Variants in HLF observed in about 807,000 individuals in gnomAD.
The protein encoded by HLF is HLF transcription factor, PAR bZIP family member.
HLF carries 3 observed loss-of-function variants against 22.6 expected under a neutral mutation model. The ratio of observed to expected loss-of-function variants is 0.13; its 90% CI spans 0.06 to 0.34. The LOEUF (loss-of-function observed/expected upper bound fraction) is 0.34. Ranked by LOEUF, HLF falls within the 10% of genes least tolerant of loss-of-function variation. The probability of loss-of-function intolerance (pLI) is 1.00; values close to 1 mark genes in which losing one functional copy is unlikely to be tolerated. For missense variants in HLF, 299 were observed against 389.2 expected, an observed-to-expected ratio of 0.77 and a Z score of 1.95; for synonymous variants, 151 against 151.8, an observed-to-expected ratio of 0.99 and a Z score of 0.04.
chr17:55,295,635 C>T (rs2081105247), intron 2 of HLF, among the ~76,000 whole-genome samples: 2 of 152,208 alleles, frequency 1.3e-5, no homozygotes, highest in African/African-American at 4.8e-5. Context: ...ACACCCACTT[C>T]CAGAACATTA....
chr17:55,270,524 A>G (rs541929127), intron 2 of HLF, among the ~76,000 whole-genome samples: 2 of 152,372 alleles, frequency 1.3e-5, no homozygotes, highest in East Asian at 3.9e-4. Flanking sequence ...TAGAAGTACC[A>G]AGTTAATCTT....
intron 2 of HLF, among the ~76,000 whole-genome samples, chr17:55,289,966 T>A (rs1481028472): frequency 6.6e-6 from 1 of 152,212 alleles, no homozygotes; most frequent in Non-Finnish European, 1.5e-5. Flanking sequence ...TTGGTTATTC[T>A]TTGTTGGAGA....
intron 2 of HLF, among the ~76,000 whole-genome samples, chr17:55,286,459 T>C (rs2081005104): frequency 6.6e-6 from 1 of 152,184 alleles, no homozygotes; most frequent in African/African-American, 2.4e-5. Context: ...AATTCATTTC[T>C]TGGGGTAATC....
intron 3 of HLF, among the ~76,000 whole-genome samples, chr17:55,315,813 A>G (rs763613028): frequency 1.2e-4 from 18 of 152,358 alleles, no homozygotes; most frequent in Non-Finnish European, 2.1e-4. Context: ...AGGGCATCTG[A>G]ACCTCATTGC....
chr17:55,309,238 G>A (rs946786801), intron 2 of HLF, among the ~76,000 whole-genome samples: 1 of 152,204 alleles, frequency 6.6e-6, no homozygotes, highest in African/African-American at 2.4e-5. Context: ...CCTGCTGCGG[G>A]AATGGAGACC....
rs1905289619 is a variant in HLF at position 55,322,365 on chromosome 17, A to T, written c.*1486A>T. 1 of 190,896 alleles carries T rather than the reference A, an allele frequency of 5.2e-6. No homozygotes were observed. Among genetic ancestry groups the T allele is most frequent in the Non-Finnish European group, 1.1e-5 (1 of 90,854 alleles). 11.8% of individuals were successfully genotyped at this position (190,896 alleles called of 1,614,324 possible). A position where few individuals can be genotyped will look rare whatever the true frequency, so the allele number is the denominator to read the frequency against. ...TTTCAGATATAAATACTGACAATGT[A>T]TTTTGGAAGACATATATTATATATA... On this transcript the variant is annotated 3_prime_UTR_variant, in exon 4 of 4. Coordinates refer to ENST00000226067, the MANE Select transcript of HLF (RefSeq NM_002126.5).
In HLF at chr17:55,268,203, G is replaced by A. The variant is rs2080814546; in HGVS notation, c.451+117G>A. On this transcript the variant is annotated intron_variant, in intron 2 of 3. Transcript: ENST00000226067. The stretch of plus-strand genomic sequence containing the variant: ...GGTTTTAGCAAAGATCCTAAGAGAG[G>A]TACCTTCTTCTGCTCCACTCCTGGC... The A allele has an allele frequency of 9.9e-6, 7 of 704,936 alleles. No individual in the cohort carries two copies. The Admixed American group carries it at 1.7e-4, about 17-fold the overall frequency. 43.7% of individuals were successfully genotyped at this position (704,936 alleles called of 1,614,324 possible). A position where few individuals can be genotyped will look rare whatever the true frequency, so the allele number is the denominator to read the frequency against.
chr17:55,302,216 A>T (rs1340867702), intron 2 of HLF, among the ~76,000 whole-genome samples: 5 of 152,220 alleles, frequency 3.3e-5, no homozygotes, highest in Non-Finnish European at 7.3e-5. Flanking sequence ...TAGAAATGAC[A>T]GAGGGATTGG....
chr17:55,319,739 T>G (rs1905199687), intron 3 of HLF, among the ~76,000 whole-genome samples: 1 of 152,150 alleles, frequency 6.6e-6, no homozygotes, highest in Non-Finnish European at 1.5e-5. Flanking sequence ...TTAATTTCTA[T>G]TTTTAATTAC....
intron 2 of HLF, among the ~76,000 whole-genome samples, chr17:55,298,272 A>T (rs921027351): frequency 6.6e-6 from 1 of 152,244 alleles, no homozygotes; most frequent in African/African-American, 2.4e-5. Context: ...GAGATGTTGG[A>T]ATATTCTTGG....
At chr17:55,288,914 A>G (rs898077993) in intron 2 of HLF, 1 of 985,386 alleles carries the variant, frequency 1.0e-6, no homozygotes, top group Non-Finnish European at 1.2e-6. Flanking sequence ...TCCAGCCTGC[A>G]TGTTCCCAGA....
chr17:55,319,641 T>C (rs1598411636), intron 3 of HLF, among the ~76,000 whole-genome samples: 1 of 152,304 alleles, frequency 6.6e-6, no homozygotes, highest in Non-Finnish European at 1.5e-5. Flanking sequence ...GCCTAGAGAA[T>C]GGTTAAACAA....
intron 2 of HLF, among the ~76,000 whole-genome samples, chr17:55,313,209 C>CA (rs540451712): frequency 2.8e-4 from 43 of 152,186 alleles, no homozygotes; most frequent in Non-Finnish European, 5.9e-4. Flanking sequence ...GAATGAATGT[C>CA]AGAGTCCAGC....
chr17:55,324,295 A>G lies in HLF; in HGVS notation c.*3416A>G. On this transcript the variant is annotated 3_prime_UTR_variant, in exon 4 of 4. Coordinates refer to ENST00000226067, the MANE Select transcript of HLF (RefSeq NM_002126.5). ...TTCTAACCCACTGGTTTGGTGGGGA[A>G]CTCACAGTAATTCCAAATGTACAAT... 1 of 226,746 alleles carries G rather than the reference A, an allele frequency of 4.4e-6. No individual in the cohort carries two copies. Among genetic ancestry groups the G allele is most frequent in the Non-Finnish European group, 8.8e-6 (1 of 113,918 alleles). 14.0% of individuals were successfully genotyped at this position (226,746 alleles called of 1,614,324 possible).
At chr17:55,296,245 G>A (rs191520354) in intron 2 of HLF, among the ~76,000 whole-genome samples, 124 of 152,258 alleles carry the variant, frequency 8.1e-4, no homozygotes, top group Non-Finnish European at 1.6e-3. Flanking sequence ...TGGACCAGTC[G>A]TTCTCAATCT....
At chr17:55,287,270 G>A (rs1394969007) in intron 2 of HLF, among the ~76,000 whole-genome samples, 1 of 152,206 alleles carries the variant, frequency 6.6e-6, no homozygotes, top group Non-Finnish European at 1.5e-5. Flanking sequence ...CCTTCCCCTT[G>A]TAAATAAGAC....
In HLF at chr17:55,318,743, G is replaced by A. The variant is rs571786636; in HGVS notation, c.673-1921G>A. On this transcript the variant is annotated intron_variant, in intron 3 of 3. Transcript: ENST00000226067. ...AAACCGCACTCCCAGGCACATTGTT[G>A]GGTATAGATTTACTGATACTGTGAA... 2.0e-5 allele frequency among the ~76,000 whole-genome samples: 3 copies of A among 152,248 alleles called. No individual in the cohort carries two copies. In the South Asian group the frequency reaches 6.2e-4, roughly 32 times the overall value.
intron 2 of HLF, among the ~76,000 whole-genome samples, chr17:55,280,587 G>GTT (rs1287865227): frequency 6.6e-6 from 1 of 152,164 alleles, no homozygotes; most frequent in Non-Finnish European, 1.5e-5. Flanking sequence ...CCAGATTTGT[G>GTT]TTTTAGGTTT....
chr17:55,297,872 C>T lies in HLF; in HGVS notation c.452-17355C>T, dbSNP rs554016674. Among the ~76,000 whole-genome samples, 10 of 150,576 alleles carry T rather than the reference C, an allele frequency of 6.6e-5. No individual in the cohort carries two copies. In the South Asian group the frequency reaches 1.1e-3, roughly 16 times the overall value. On this transcript the variant is annotated intron_variant, in intron 2 of 3. Transcript: ENST00000226067. ...TCAAGCAGTTCTCCTGTCTCAACCTCCCAAGTAGTTAAGATTACAGGTGCC... is the reference window on the plus strand; with the variant it reads ...TCAAGCAGTTCTCCTGTCTCAACCTTCCAAGTAGTTAAGATTACAGGTGCC...
Sources: gnomAD v4.1 joint callset for allele counts (sites outside exome capture counted in the v4.1 genomes callset) on GRCh38, gnomAD v4.1.1 for gene constraint, MANE v1.5 for transcripts, NCBI Gene and HGNC (gene_info 2026-07-23, HGNC 2026-07-21) for gene names.